Variants in SOBP observed in about 807,000 individuals in gnomAD.
The protein encoded by SOBP is sine oculis binding protein homolog.
Under a neutral mutation model 53.6 loss-of-function variants are expected in SOBP, and 4 were observed. The observed-to-expected ratio is 0.07, with a 90% CI of 0.04 to 0.17. SOBP has a LOEUF of 0.17. Ranked by LOEUF, SOBP falls within the 10% of genes least tolerant of loss-of-function variation. The pLI, the probability that SOBP is intolerant of heterozygous loss-of-function variation, is 1.00. For synonymous variants in SOBP, 584 were observed against 522.6 expected, an observed-to-expected ratio of 1.12 and a Z score of -1.60; for missense variants, 1,088 against 1,204.7, an observed-to-expected ratio of 0.90 and a Z score of 1.43.
chr6:107,522,643 G>A (rs1783547659), intron 3 of SOBP, among the ~76,000 whole-genome samples: 1 of 145,508 alleles, frequency 6.9e-6, no homozygotes, highest in Admixed American at 7.3e-5. Flanking sequence ...CCTGAGCTCA[G>A]GTGATCCTCC....
rs150415476 is a variant in SOBP, at chr6:107,578,381, A to G, written c.574-8699A>G. 1.2e-4 allele frequency among the ~76,000 whole-genome samples: 18 copies of G among 152,312 alleles called. No individual in the cohort carries two copies. In the East Asian group the frequency reaches 3.3e-3, roughly 28 times the overall value. ...TAACATGTTTTTAAAATGTAATGAC[A>G]CCAGTATTTTCAAGTTATTGTACAC... On this transcript the variant is annotated intron_variant, in intron 4 of 6. Transcript: ENST00000317357.
intron 5 of SOBP, among the ~76,000 whole-genome samples, chr6:107,611,727 A>C (rs1418619557): frequency 6.6e-6 from 1 of 152,216 alleles, no homozygotes. Context: ...GTGCAGTGTT[A>C]CCTCTGTAGA....
At chr6:107,583,490 T>C (rs1200194452) in intron 4 of SOBP, among the ~76,000 whole-genome samples, 1 of 152,204 alleles carries the variant, frequency 6.6e-6, no homozygotes, top group African/African-American at 2.4e-5. Context: ...ATAATGATAA[T>C]TTTTGCCCAC....
rs1401178207 is a variant in SOBP, at chr6:107,523,789, G to C, written c.422-9670G>C. Among the ~76,000 whole-genome samples, 3 of 152,244 alleles carry C rather than the reference G, an allele frequency of 2.0e-5. No homozygotes were observed. In the East Asian group the frequency reaches 5.8e-4, roughly 29 times the overall value. On this transcript the variant is annotated intron_variant, in intron 3 of 6. Transcript: ENST00000317357. ...CATCTGGCTCCTATGATCCTTCATG[G>C]TGATGGAGCCCTGGGAGCAGGCCAG...
chr6:107,630,316 A>G (rs975801985), intron 5 of SOBP, among the ~76,000 whole-genome samples: 11 of 152,208 alleles, frequency 7.2e-5, no homozygotes, highest in African/African-American at 2.4e-4. Flanking sequence ...AGAATAACCC[A>G]CCACACCACA....
At chr6:107,562,623 A>G (rs1204118294) in intron 4 of SOBP, among the ~76,000 whole-genome samples, 1 of 152,204 alleles carries the variant, frequency 6.6e-6, no homozygotes, top group Non-Finnish European at 1.5e-5. Context: ...GTTCTGGGGC[A>G]AACAGTTATT....
At chr6:107,535,636 T>TGC (rs1783972525) in intron 4 of SOBP, among the ~76,000 whole-genome samples, 2 of 145,440 alleles carry the variant, frequency 1.4e-5, no homozygotes, top group African/African-American at 5.4e-5. Context: ...TGTGTGTGTG[T>TGC]GTTTTTTTTT....
chr6:107,505,283 T>A (rs1405152710), intron 2 of SOBP, among the ~76,000 whole-genome samples: 5 of 151,894 alleles, frequency 3.3e-5, no homozygotes. Flanking sequence ...TATCATGTTG[T>A]ACATGGAAAA....
rs1771010079 is a variant in SOBP at position 107,635,655 on chromosome 6, C to G, written c.*3+186C>G. Reference sequence around the variant, plus strand: ...CTGATGCTGAGTTGTTCAGTAGCATCATTCCCATTTTACAGCCGAGGAAAC... The same window carrying G: ...CTGATGCTGAGTTGTTCAGTAGCATGATTCCCATTTTACAGCCGAGGAAAC... On this transcript the variant is annotated intron_variant, in intron 6 of 6. Coordinates refer to ENST00000317357, the MANE Select transcript of SOBP (RefSeq NM_018013.4). The surrounding 1 kb of genome is among the most constrained non-coding windows in gnomAD (Gnocchi z 4.5). Among the ~76,000 whole-genome samples the G allele has an allele frequency of 6.6e-6, 1 of 152,204 alleles. No individual in the cohort carries two copies. The highest frequency in any genetic ancestry group is 2.1e-4 in the South Asian group (1 of 4,834).
At chr6:107,646,700 G>A (rs1771575956) in intron 6 of SOBP, among the ~76,000 whole-genome samples, 1 of 152,162 alleles carries the variant, frequency 6.6e-6, no homozygotes, top group Non-Finnish European at 1.5e-5. Flanking sequence ...GCAACCTTTT[G>A]GATATGTCCT....
intron 5 of SOBP, among the ~76,000 whole-genome samples, chr6:107,620,273 C>T (rs994337437): frequency 6.6e-6 from 1 of 152,198 alleles, no homozygotes. Flanking sequence ...GCTCCCTTCT[C>T]CCCACTCTCT....
At chr6:107,643,711 G>C (rs1011174248) in intron 6 of SOBP, among the ~76,000 whole-genome samples, 1 of 152,056 alleles carries the variant, frequency 6.6e-6, no homozygotes, top group Admixed American at 6.6e-5. Context: ...GAGCCACCAT[G>C]CCCAGCCTTT....
intron 6 of SOBP, among the ~76,000 whole-genome samples, chr6:107,642,574 G>A (rs1771377754): frequency 6.6e-6 from 1 of 152,204 alleles, no homozygotes; most frequent in Admixed American, 6.5e-5. Flanking sequence ...GTAGAGAGAT[G>A]GGGGCAGAGC....
chr6:107,518,538 A>G (rs571967429), intron 3 of SOBP, among the ~76,000 whole-genome samples: 2 of 152,326 alleles, frequency 1.3e-5, no homozygotes, highest in South Asian at 4.1e-4. Flanking sequence ...GCTCAACACA[A>G]ATGTGTATAT....
chr6:107,609,044 G>C (rs1786493988), intron 5 of SOBP, among the ~76,000 whole-genome samples: 1 of 152,174 alleles, frequency 6.6e-6, no homozygotes, highest in Non-Finnish European at 1.5e-5. Context: ...ACCCTAATTT[G>C]ATACTTTCAG....
intron 6 of SOBP, among the ~76,000 whole-genome samples, chr6:107,639,676 A>T (rs1670713006): frequency 6.6e-6 from 1 of 152,188 alleles, no homozygotes; most frequent in African/African-American, 2.4e-5. Flanking sequence ...CTTGAGGGAT[A>T]GCTGTTTGTA....
At chr6:107,588,775 T>C (rs1227633264) in intron 5 of SOBP, among the ~76,000 whole-genome samples, 1 of 152,188 alleles carries the variant, frequency 6.6e-6, no homozygotes, top group Non-Finnish European at 1.5e-5. Flanking sequence ...TTAGAGAAAA[T>C]AGATGTTTTG....
intron 6 of SOBP, among the ~76,000 whole-genome samples, chr6:107,651,895 G>A (rs2114253588): frequency 6.6e-6 from 1 of 152,300 alleles, no homozygotes; most frequent in Non-Finnish European, 1.5e-5. Flanking sequence ...TTGGGTGACA[G>A]CACATCTCTT....
Position 107,657,840 on chromosome 6 carries a change from C to CA in SOBP, c.*4-353dup, listed in dbSNP as rs11317099. The stretch of plus-strand genomic sequence containing the variant: ...TGGGCAACAGAGCGAGACCCTGTCT[C>CA]AAAAAAAAAAAAAAGCCTCCTGCTG... On this transcript the variant is annotated intron_variant, in intron 6 of 6. Transcript: ENST00000317357. 9.6e-3 allele frequency among the ~76,000 whole-genome samples: 1,129 copies of CA among 117,332 alleles called. 10 individuals are homozygous for CA. Among genetic ancestry groups the CA allele is most frequent in the African/African-American group, 0.029 (902 of 31,554 alleles). The allele number at this position is 117,332 out of a possible 152,430, so 77.0% of individuals were successfully genotyped here. A position where few individuals can be genotyped will look rare whatever the true frequency, so the allele number is the denominator to read the frequency against.
Sources: gnomAD v4.1 joint callset for allele counts (sites outside exome capture counted in the v4.1 genomes callset) on GRCh38, gnomAD v4.1.1 for gene constraint, Gnocchi (gnomAD v3.1) non-coding constraint, MANE v1.5 for transcripts, NCBI Gene and HGNC (gene_info 2026-07-23, HGNC 2026-07-21) for gene names.